Variants in MECOM observed in about 807,000 individuals in gnomAD.
The protein encoded by MECOM is MDS1 and EVI1 complex locus.
Under a neutral mutation model 116.3 loss-of-function variants are expected in MECOM, and 13 were observed. The ratio of observed to expected loss-of-function variants is 0.11; its 90% CI spans 0.07 to 0.18. MECOM has a LOEUF of 0.18. Among genes scored for constraint, MECOM ranks in the 10% least tolerant of loss-of-function variants. The pLI is 1.00. For synonymous variants in MECOM, 528 were observed against 535.2 expected, an observed-to-expected ratio of 0.99 and a Z score of 0.19; for missense variants, 1,299 against 1,509.0, an observed-to-expected ratio of 0.86 and a Z score of 2.31.
At position 169,663,493 on chromosome 3, in the gene MECOM, TC is replaced by T. The variant is rs1776602713; in HGVS notation, c.-122del. ...TCTCCTGTCTCTCTCTCTCTCTCTC[TC>T]TCTCTCTCTCTCTCTCTCTCTCTCT... On this transcript the variant is annotated 5_prime_UTR_variant, in exon 1 of 17. Transcript: ENST00000651503. The T allele has an allele frequency of 6.6e-6, 4 of 609,792 alleles. No homozygotes were observed. The East Asian group carries it at 8.6e-5, about 13-fold the overall frequency. The allele number at this position is 609,792 out of a possible 1,614,324, so 37.8% of individuals were successfully genotyped here.
At chr3:169,561,540 C>T (rs1024352438) in intron 1 of MECOM, among the ~76,000 whole-genome samples, 2 of 152,046 alleles carry the variant, frequency 1.3e-5, no homozygotes, top group Admixed American at 6.5e-5. Flanking sequence ...CAAAACAATG[C>T]TATTTTATAA....
chr3:169,552,464 C>G (rs1477634174), intron 1 of MECOM, among the ~76,000 whole-genome samples: 1 of 152,078 alleles, frequency 6.6e-6, no homozygotes, highest in East Asian at 1.9e-4. Context: ...GGTCACTGTT[C>G]TAAATTCTTT....
chr3:169,099,226 C>A (rs1472025517), intron 12 of MECOM, among the ~76,000 whole-genome samples: 1 of 151,736 alleles, frequency 6.6e-6, no homozygotes, highest in Admixed American at 6.6e-5. Flanking sequence ...ATAATAGAGC[C>A]ATTATTGGGT....
At chr3:169,108,251 G>A (rs77492239) in intron 9 of MECOM, among the ~76,000 whole-genome samples, 9,582 of 152,048 alleles carry the variant, frequency 0.063, 445 homozygotes, top group South Asian at 0.2. Flanking sequence ...ACTACTACTT[G>A]CTATAAAACA....
chr3:169,171,452 A>G (rs758762952), intron 2 of MECOM, among the ~76,000 whole-genome samples: 1 of 152,200 alleles, frequency 6.6e-6, no homozygotes, highest in Admixed American at 6.5e-5. Context: ...TATCCAATAC[A>G]TATTTGAGAA....
intron 2 of MECOM, among the ~76,000 whole-genome samples, chr3:169,203,641 G>C (rs2149454892): frequency 6.6e-6 from 1 of 152,112 alleles, no homozygotes; most frequent in East Asian, 1.9e-4. Context: ...CAGACATAGA[G>C]AATAAATAGG....
chr3:169,604,816 A>G (rs1049268322), intron 1 of MECOM, among the ~76,000 whole-genome samples: 2 of 152,154 alleles, frequency 1.3e-5, no homozygotes, highest in Non-Finnish European at 2.9e-5. Flanking sequence ...CCCATCCCTA[A>G]AAGTGGGCAC....
At chr3:169,246,163 A>G (rs887152388) in intron 2 of MECOM, among the ~76,000 whole-genome samples, 1 of 152,252 alleles carries the variant, frequency 6.6e-6, no homozygotes, top group Non-Finnish European at 1.5e-5. Context: ...ATATTATGAT[A>G]ATACTAAAAG....
At chr3:169,427,436 AAAAT>A (rs1194210155) in intron 1 of MECOM, among the ~76,000 whole-genome samples, 3 of 152,210 alleles carry the variant, frequency 2.0e-5, no homozygotes, top group African/African-American at 7.2e-5. Context: ...TTCTTGGTCT[AAAAT>A]AAAAGGAAAC....
chr3:169,205,496 A>C (rs1749799181), intron 2 of MECOM, among the ~76,000 whole-genome samples: 1 of 152,172 alleles, frequency 6.6e-6, no homozygotes, highest in African/African-American at 2.4e-5. Flanking sequence ...AGTTAAGACA[A>C]GGCTTTCCTT....
chr3:169,204,459 T>A (rs1749634238), intron 2 of MECOM, among the ~76,000 whole-genome samples: 1 of 152,146 alleles, frequency 6.6e-6, no homozygotes, highest in Non-Finnish European at 1.5e-5. Flanking sequence ...CTCCCAATAG[T>A]TTATCATCAT....
At chr3:169,338,060 A>C (rs1309801057) in intron 2 of MECOM, among the ~76,000 whole-genome samples, 1 of 152,170 alleles carries the variant, frequency 6.6e-6, no homozygotes, top group East Asian at 1.9e-4. Context: ...AAAGCATAGC[A>C]CTTATTTGGT....
chr3:169,313,251 C>A (rs562014566), intron 2 of MECOM, among the ~76,000 whole-genome samples: 3 of 152,220 alleles, frequency 2.0e-5, no homozygotes, highest in East Asian at 1.9e-4. Flanking sequence ...AAAAGAGAAT[C>A]TCTTTGATGA....
intron 2 of MECOM, among the ~76,000 whole-genome samples, chr3:169,340,220 C>T (rs1724262525): frequency 6.6e-6 from 1 of 152,086 alleles, no homozygotes; most frequent in African/African-American, 2.4e-5. Context: ...GAGAAAATTC[C>T]GTAGTAGCTT....
At chr3:169,504,150 A>AGTGT (rs3044764) in intron 1 of MECOM, among the ~76,000 whole-genome samples, 10,653 of 132,474 alleles carry the variant, frequency 0.08, 547 homozygotes, top group East Asian at 0.2. Context: ...GAAAAAGAGA[A>AGTGT]GTGTGTGTGT....
chr3:169,088,819 C>T (rs1048745643), intron 16 of MECOM, among the ~76,000 whole-genome samples, 181 bp downstream of exon 16: 3 of 152,072 alleles, frequency 2.0e-5, no homozygotes, highest in African/African-American at 7.2e-5. Flanking sequence ...TGCTTTCTTG[C>T]TTAACTATTT....
chr3:169,528,229 C>G (rs752494297), intron 1 of MECOM, among the ~76,000 whole-genome samples: 5 of 152,068 alleles, frequency 3.3e-5, no homozygotes, highest in Non-Finnish European at 7.4e-5. Context: ...AAATGTAACC[C>G]AATGATCAAA....
At chr3:169,457,673 T>C (rs543943366) in intron 1 of MECOM, among the ~76,000 whole-genome samples, 1 of 152,354 alleles carries the variant, frequency 6.6e-6, no homozygotes, top group East Asian at 1.9e-4. Context: ...ATATTCATGT[T>C]TGAATAATAG....
At chr3:169,197,144 T>C (rs1394211755) in intron 2 of MECOM, among the ~76,000 whole-genome samples, 1 of 151,768 alleles carries the variant, frequency 6.6e-6, no homozygotes, top group African/African-American at 2.4e-5. Context: ...AAGCGAACTA[T>C]AGACACCAGG....
Sources: allele counts gnomAD v4.1 joint callset (sites outside exome capture counted in the v4.1 genomes callset), GRCh38; gene constraint gnomAD v4.1.1; transcripts MANE v1.5; gene names NCBI Gene and HGNC (gene_info 2026-07-23, HGNC 2026-07-21).